The following SIPA1L1 variants were observed in gnomAD, a reference collection of about 807,000 sequenced individuals.
The protein encoded by SIPA1L1 is signal-induced proliferation-associated 1-like protein 1.
SIPA1L1 carries 26 observed loss-of-function variants against 162.7 expected under a neutral mutation model. The observed-to-expected ratio is 0.16, with a 90% confidence interval of 0.12 to 0.22. The LOEUF (loss-of-function observed/expected upper bound fraction) is 0.22. Among genes scored for constraint, SIPA1L1 ranks in the 10% least tolerant of loss-of-function variants. The pLI, the probability that SIPA1L1 is intolerant of heterozygous loss-of-function variation, is 1.00. For missense variants in SIPA1L1, 1,874 were observed against 2,241.0 expected (o/e 0.84, Z 3.31); for synonymous variants, 829 against 837.4 (o/e 0.99, Z 0.17).
intron 2 of SIPA1L1, among the ~76,000 whole-genome samples, chr14:71,345,569 C>CTTA (rs1278885804): frequency 6.7e-6 from 1 of 149,056 alleles, no homozygotes; most frequent in Non-Finnish European, 1.5e-5. Flanking sequence ...TTTCCCACAG[C>CTTA]TTACTCTTTT....
intron 4 of SIPA1L1, among the ~76,000 whole-genome samples, chr14:71,577,462 C>T (rs1023885715): frequency 2.0e-5 from 3 of 151,642 alleles, no homozygotes; most frequent in Admixed American, 6.6e-5. Context: ...CTGCAACCTC[C>T]GCCTCCCATG....
chr14:71,488,085 A>G (rs912445572), intron 2 of SIPA1L1, among the ~76,000 whole-genome samples: 1 of 152,178 alleles, frequency 6.6e-6, no homozygotes, highest in African/African-American at 2.4e-5. Context: ...GATTGTTCAG[A>G]TATCTAGAAA....
chr14:71,331,112 C>A (rs1057447593), intron 2 of SIPA1L1, among the ~76,000 whole-genome samples: 3 of 152,130 alleles, frequency 2.0e-5, no homozygotes, highest in Admixed American at 6.5e-5. Flanking sequence ...TATTCATTTG[C>A]ATGTGGGTAT....
At chr14:71,512,465 T>C (rs2051243310) in intron 2 of SIPA1L1, among the ~76,000 whole-genome samples, 1 of 151,294 alleles carries the variant, frequency 6.6e-6, no homozygotes, top group African/African-American at 2.4e-5. Flanking sequence ...CACGTGCCTA[T>C]AGTCCCAGCT....
chr14:71,660,435 G>A (rs1426464380), intron 9 of SIPA1L1, among the ~76,000 whole-genome samples: 1 of 151,542 alleles, frequency 6.6e-6, no homozygotes, highest in Non-Finnish European at 1.5e-5. Context: ...CTCCCACCTG[G>A]CAGCCAATAC....
intron 4 of SIPA1L1, among the ~76,000 whole-genome samples, chr14:71,577,506 A>G (rs2033250595): frequency 6.6e-6 from 1 of 151,802 alleles, no homozygotes; most frequent in African/African-American, 2.4e-5. Flanking sequence ...CCTCCCAAGT[A>G]GCTGGGATTA....
intron 3 of SIPA1L1, among the ~76,000 whole-genome samples, chr14:71,525,318 G>A (rs1266768720): frequency 6.6e-6 from 1 of 152,082 alleles, no homozygotes; most frequent in Admixed American, 6.5e-5. Context: ...GAGTAGCTGG[G>A]ACTACAGGTG....
At chr14:71,463,720 A>C (rs531900770) in intron 2 of SIPA1L1, among the ~76,000 whole-genome samples, 1 of 152,152 alleles carries the variant, frequency 6.6e-6, no homozygotes, top group Non-Finnish European at 1.5e-5. Flanking sequence ...ATGATTCTCT[A>C]TTTTTAGAAT....
chr14:71,505,149 A>G (rs1429178370), intron 2 of SIPA1L1, among the ~76,000 whole-genome samples: 1 of 152,132 alleles, frequency 6.6e-6, no homozygotes, highest in East Asian at 1.9e-4. Flanking sequence ...TTCTTTTCCA[A>G]ACTATCACCG....
intron 4 of SIPA1L1, among the ~76,000 whole-genome samples, chr14:71,562,316 T>G (rs895691275): frequency 2.6e-5 from 4 of 152,066 alleles, no homozygotes; most frequent in African/African-American, 9.7e-5. Flanking sequence ...ATAATAATTT[T>G]TTGTTGTTTA....
At chr14:71,337,139 T>G (rs2035178916) in intron 2 of SIPA1L1, among the ~76,000 whole-genome samples, 1 of 152,198 alleles carries the variant, frequency 6.6e-6, no homozygotes, top group African/African-American at 2.4e-5. Context: ...CCTGCTTGCT[T>G]TTACGACATT....
chr14:71,546,462 A>G (rs1480612564), intron 4 of SIPA1L1, among the ~76,000 whole-genome samples: 5 of 143,144 alleles, frequency 3.5e-5, no homozygotes, highest in Non-Finnish European at 6.0e-5. Context: ...GCTCACTGCA[A>G]CCTCCGCCTT....
At chr14:71,738,391 T>C in intron 23 of SIPA1L1, 66 bp downstream of exon 23, 3 of 1,074,910 alleles carry the variant, frequency 2.8e-6, no homozygotes, top group Non-Finnish European at 4.2e-6. Flanking sequence ...ATGAGAGCCC[T>C]TTCTAAGTAG....
At chr14:71,658,189 A>G in intron 8 of SIPA1L1, 144 bp from the exon 9 acceptor site, 1 of 589,274 alleles carries the variant, frequency 1.7e-6, no homozygotes, top group Non-Finnish European at 3.0e-6. Context: ...TACAAAAAAA[A>G]AAAGGAAGAA....
chr14:71,330,340 T>C, intron 2 of SIPA1L1: 2 of 819,340 alleles, frequency 2.4e-6, no homozygotes, highest in South Asian at 1.3e-5. Context: ...AACTCTCTAG[T>C]GCACAGTCCT....
chr14:71,724,612 T>C, intron 18 of SIPA1L1, 58 bp from the exon 19 acceptor site: 1 of 1,442,698 alleles, frequency 6.9e-7, no homozygotes, highest in Non-Finnish European at 9.5e-7. Context: ...GAGCCCATCA[T>C]GCCCTTGAGC....
chr14:71,455,016 A>G (rs1419015592), intron 2 of SIPA1L1, among the ~76,000 whole-genome samples: 3 of 152,338 alleles, frequency 2.0e-5, no homozygotes, highest in African/African-American at 7.2e-5. Context: ...AGGGGCTGAC[A>G]CAGAGCCAGA....
intron 15 of SIPA1L1, 42 bp downstream of exon 15, chr14:71,702,547 G>A (rs1327916816): frequency 1.3e-6 from 2 of 1,588,670 alleles, no homozygotes; most frequent in Non-Finnish European, 1.7e-6. Flanking sequence ...GCTTTTACAA[G>A]GTGACTTAGG....
At chr14:71,733,952 G>A (rs1051250919) in intron 21 of SIPA1L1, 140 bp downstream of exon 21, 4 of 866,410 alleles carry the variant, frequency 4.6e-6, no homozygotes, top group African/African-American at 3.4e-5. Flanking sequence ...ATTCAGTAGG[G>A]ACCAGACCCT....
Sources: gnomAD v4.1 joint callset for allele counts (sites outside exome capture counted in the v4.1 genomes callset) on GRCh38, gnomAD v4.1.1 for gene constraint, MANE v1.5 for transcripts, NCBI Gene and HGNC (gene_info 2026-07-23, HGNC 2026-07-21) for gene names.